Variants in C14orf119 observed in about 807,000 individuals in gnomAD.
C14orf119 encodes chromosome 14 open reading frame 119, also known as uncharacterized protein C14orf119.
Under a neutral mutation model 13.5 loss-of-function variants are expected in C14orf119, and 17 were observed. That is an observed-to-expected ratio of 1.26 (90% CI 0.86 to 1.88). The LOEUF (loss-of-function observed/expected upper bound fraction) is 1.88. Among genes scored for constraint, C14orf119 ranks in the 40% most tolerant of loss-of-function variants. The probability of loss-of-function intolerance (pLI) is 0.00; values close to 1 mark genes in which losing one functional copy is unlikely to be tolerated. For synonymous variants in C14orf119, 61 were observed against 61.9 expected (o/e 0.99, Z 0.07); for missense variants, 162 against 165.9 (o/e 0.98, Z 0.13).
chr14:23,096,244 C>A (rs1273280072), intron 1 of C14orf119, among the ~76,000 whole-genome samples: 1 of 152,022 alleles, frequency 6.6e-6, no homozygotes, highest in Admixed American at 6.5e-5. Flanking sequence ...GTGCCGGGCG[C>A]GGTGGCTTAC....
intron 1 of C14orf119, among the ~76,000 whole-genome samples, chr14:23,096,016 T>A (rs1476488502): frequency 6.6e-6 from 1 of 152,216 alleles, no homozygotes; most frequent in Non-Finnish European, 1.5e-5. Flanking sequence ...GCCCTGAACT[T>A]TTTTGGTACT....
At chr14:23,097,215 A>G (rs1020330845) in intron 1 of C14orf119, among the ~76,000 whole-genome samples, 3 of 152,240 alleles carry the variant, frequency 2.0e-5, no homozygotes, top group Admixed American at 6.5e-5. Context: ...CTGCAAAACA[A>G]TTAGCATCAG....
At position 23,099,498 on chromosome 14, in the gene C14orf119, A is replaced by G. The variant is rs922650339; in HGVS notation, c.*1417A>G. ...CTGAAGTAACCAGCAACCTAGGAAC[A>G]TAGAAGGTAATATTTGGCATGGAAT... is the stretch of plus-strand genomic sequence containing the variant. On this transcript the variant is annotated 3_prime_UTR_variant, in exon 2 of 2. Transcript: ENST00000319074. 3 of 413,032 alleles carry G rather than the reference A, an allele frequency of 7.3e-6. No individual in the cohort carries two copies. The highest frequency in any genetic ancestry group is 1.3e-5 in the Non-Finnish European group (3 of 226,094). 25.6% of individuals were successfully genotyped at this position (413,032 alleles called of 1,614,324 possible).
rs1442163080 is a variant in C14orf119 at position 23,099,140 on chromosome 14, T to C, written c.*1059T>C. On this transcript the variant is annotated 3_prime_UTR_variant, in exon 2 of 2. Coordinates refer to ENST00000319074, the MANE Select transcript of C14orf119 (RefSeq NM_017924.4). ...ACTGTAAAACTTCACCCTTTTTTCA[T>C]TGCCAGGCTATATAATATTGACAAC... The C allele has an allele frequency of 1.9e-5, 8 of 410,888 alleles. No homozygotes were observed. Among genetic ancestry groups the C allele is most frequent in the Non-Finnish European group, 3.1e-5 (7 of 225,182 alleles). The allele number at this position is 410,888 out of a possible 1,614,324, so 25.5% of individuals were successfully genotyped here.
In C14orf119 at chr14:23,100,143, A is replaced by C; in HGVS notation, c.*2062A>C. On this transcript the variant is annotated 3_prime_UTR_variant, in exon 2 of 2. Transcript: ENST00000319074. ...GTGGTGTGCACCTGTAGTCCCAGCTACTTGGGAAGCTGAGGTGGGGGAATC... is the reference window on the plus strand; with the variant it reads ...GTGGTGTGCACCTGTAGTCCCAGCTCCTTGGGAAGCTGAGGTGGGGGAATC... 1 of 174,208 alleles carries C rather than the reference A, an allele frequency of 5.7e-6. No individual in the cohort carries two copies. The allele number at this position is 174,208 out of a possible 1,614,324, so 10.8% of individuals were successfully genotyped here. A position where few individuals can be genotyped will look rare whatever the true frequency, so the allele number is the denominator to read the frequency against.
rs931728774 is a variant in C14orf119, at chr14:23,098,153, A to G, written c.*72A>G. 12 of 1,513,880 alleles carry G rather than the reference A, an allele frequency of 7.9e-6. No homozygotes were observed. The highest frequency in any genetic ancestry group is 9.0e-6 in the Non-Finnish European group (10 of 1,110,476). The allele number at this position is 1,513,880 out of a possible 1,614,324, so 93.8% of individuals were successfully genotyped here. Reference sequence around the variant, plus strand: ...CTCTCTACAATGATAACTCAATTCAAATGTGTCGCCTAAAGCTCTGGAACT... The same window carrying G: ...CTCTCTACAATGATAACTCAATTCAGATGTGTCGCCTAAAGCTCTGGAACT... On this transcript the variant is annotated 3_prime_UTR_variant, in exon 2 of 2. Coordinates refer to ENST00000319074, the MANE Select transcript of C14orf119 (RefSeq NM_017924.4).
At position 23,097,933 on chromosome 14, in the gene C14orf119, T is replaced by C; in HGVS notation, c.275T>C (p.Phe92Ser). 8 of 1,614,074 alleles carry C rather than the reference T, an allele frequency of 5.0e-6. No individual in the cohort carries two copies. The highest frequency in any genetic ancestry group is 6.8e-6 in the Non-Finnish European group (8 of 1,179,932). Residue 92 changes from phenylalanine (F) to serine (S), a missense_variant, in exon 2 of 2, where the codon TTT becomes TCT. Transcript: ENST00000319074. ...GGGGCAGACCGACCACCTTCTATCT[T>C]TGAGTGCCAGCTACATCTTTGGGAT... Reference protein sequence around the residue: ...VSGADRPPSIFECQLHLWDQW... With the variant: ...VSGADRPPSISECQLHLWDQW...
At position 23,097,776 on chromosome 14, in the gene C14orf119, A is replaced by G. The variant is rs2048397199; in HGVS notation, c.118A>G (p.Lys40Glu). The change falls in exon 2 of 2, where the codon AAG (lysine) becomes GAG (glutamate). Residue 40 changes from lysine to glutamate, a missense_variant. By Grantham distance (56) the Lys-to-Glu change is moderately conservative (BLOSUM62 1). Transcript: ENST00000319074. The part of the protein sequence containing the change: ...LMSYITSQEM[K>E]CILHWFANWS... ...GTCTTACATCACCTCCCAGGAGATG[A>G]AGTGTATTCTTCACTGGTTTGCCAA... is the stretch of plus-strand genomic sequence containing the variant. 1.2e-5 allele frequency: 19 copies of G among 1,614,190 alleles called. No homozygotes were observed. Among genetic ancestry groups the G allele is most frequent in the Non-Finnish European group, 1.6e-5 (19 of 1,179,998 alleles).
Position 23,095,557 on chromosome 14 carries a change from C to T in C14orf119, c.-64C>T, listed in dbSNP as rs17126531. On this transcript the variant is annotated 5_prime_UTR_variant, in exon 1 of 2. Coordinates refer to ENST00000319074, the MANE Select transcript of C14orf119 (RefSeq NM_017924.4). ...GGTTTTCAGGAAATTTGGAAGCTGC[C>T]GCAGTAGTTGGAGTCTAAGGACTCG... 7 of 464,788 alleles carry T rather than the reference C, an allele frequency of 1.5e-5. No homozygotes were observed. Among genetic ancestry groups the T allele is most frequent in the Admixed American group, 4.0e-5 (1 of 25,290 alleles). The allele number at this position is 464,788 out of a possible 1,614,324, so 28.8% of individuals were successfully genotyped here.
chr14:23,096,323 T>C (rs2048370921), intron 1 of C14orf119, among the ~76,000 whole-genome samples: 1 of 151,402 alleles, frequency 6.6e-6, no homozygotes, highest in Admixed American at 6.6e-5. Flanking sequence ...TGGAGACCAG[T>C]CTGGCCAATA....
chr14:23,099,394 C>G lies in C14orf119; in HGVS notation c.*1313C>G, dbSNP rs1003332411. On this transcript the variant is annotated 3_prime_UTR_variant, in exon 2 of 2. Coordinates refer to ENST00000319074, the MANE Select transcript of C14orf119 (RefSeq NM_017924.4). Reference sequence around the variant, plus strand: ...GGCTCTTTTCTGGTAGGCTGTGGTTCCCATTACACCCACCAGGATTAGCAG... The same window carrying G: ...GGCTCTTTTCTGGTAGGCTGTGGTTGCCATTACACCCACCAGGATTAGCAG... The G allele has an allele frequency of 4.8e-5, 20 of 413,224 alleles. No homozygotes were observed. The highest frequency in any genetic ancestry group is 8.0e-5 in the Non-Finnish European group (18 of 226,164). 25.6% of individuals were successfully genotyped at this position (413,224 alleles called of 1,614,324 possible).
chr14:23,100,400 AC>A lies in C14orf119; in HGVS notation c.*2322del, dbSNP rs1391600655. On this transcript the variant is annotated 3_prime_UTR_variant, in exon 2 of 2. Transcript: ENST00000319074. ...AGGGATCTTTGTTCTCTGAAACGCA[AC>A]CCTGTCTAGGACAATATACACGTGA... 5 of 412,428 alleles carry A rather than the reference AC, an allele frequency of 1.2e-5. No individual in the cohort carries two copies. In the South Asian group the frequency reaches 5.7e-4, roughly 47 times the overall value. The allele number at this position is 412,428 out of a possible 1,614,324, so 25.5% of individuals were successfully genotyped here. A position where few individuals can be genotyped will look rare whatever the true frequency, so the allele number is the denominator to read the frequency against.
In C14orf119 at chr14:23,099,580, G is replaced by A. The variant is rs994453773; in HGVS notation, c.*1499G>A. The A allele has an allele frequency of 8.1e-6, 3 of 368,890 alleles. No homozygotes were observed. Among genetic ancestry groups the A allele is most frequent in the Non-Finnish European group, 1.4e-5 (3 of 210,948 alleles). 22.9% of individuals were successfully genotyped at this position (368,890 alleles called of 1,614,324 possible). On this transcript the variant is annotated 3_prime_UTR_variant, in exon 2 of 2. Transcript: ENST00000319074. The stretch of plus-strand genomic sequence containing the variant: ...ACCTTTTTTTTTTTTTTTTTTTGGA[G>A]ACAAGGTCTTGGTCTGTTGCCCAGG...
At chr14:23,096,922 T>A (rs1489187820) in intron 1 of C14orf119, among the ~76,000 whole-genome samples, 1 of 152,190 alleles carries the variant, frequency 6.6e-6, no homozygotes, top group Non-Finnish European at 1.5e-5. Flanking sequence ...AAGACATGGA[T>A]TGTCATAAAA....
chr14:23,099,536 T>C lies in C14orf119; in HGVS notation c.*1455T>C. On this transcript the variant is annotated 3_prime_UTR_variant, in exon 2 of 2. Coordinates refer to ENST00000319074, the MANE Select transcript of C14orf119 (RefSeq NM_017924.4). ...TTTGGCATGGAATAATGCCTAGCCT[T>C]AGTAGATAAAGCGGCATTACCTTTT... 2.4e-6 allele frequency: 1 copy of C among 411,412 alleles called. No homozygotes were observed. The highest frequency in any genetic ancestry group is 4.4e-6 in the Non-Finnish European group (1 of 225,974). 25.5% of individuals were successfully genotyped at this position (411,412 alleles called of 1,614,324 possible).
chr14:23,098,476 G>GT lies in C14orf119; in HGVS notation c.*400dup. ...ATAAGACAGGACAATAAAAGGTGGC[G>GT]TTTTTGTACTTTACCTGGATTCCAT... On this transcript the variant is annotated 3_prime_UTR_variant, in exon 2 of 2. Coordinates refer to ENST00000319074, the MANE Select transcript of C14orf119 (RefSeq NM_017924.4). 1 of 194,520 alleles carries GT rather than the reference G, an allele frequency of 5.1e-6. No individual in the cohort carries two copies. The highest frequency in any genetic ancestry group is 1.3e-4 in the East Asian group (1 of 7,808). 12.0% of individuals were successfully genotyped at this position (194,520 alleles called of 1,614,324 possible).
intron 1 of C14orf119, 142 bp from the exon 2 acceptor site, chr14:23,097,516 C>G: frequency 2.9e-6 from 2 of 701,202 alleles, no homozygotes; most frequent in East Asian, 5.0e-5. Flanking sequence ...ATAAAGGACT[C>G]TTATTATTTT....
At position 23,098,129 on chromosome 14, in the gene C14orf119, T is replaced by G; in HGVS notation, c.*48T>G. 6.4e-7 allele frequency: 1 copy of G among 1,564,286 alleles called. No homozygotes were observed. Among genetic ancestry groups the G allele is most frequent in the Non-Finnish European group, 8.7e-7 (1 of 1,147,860 alleles). On this transcript the variant is annotated 3_prime_UTR_variant, in exon 2 of 2. Transcript: ENST00000319074. ...TAACCATAGCTGATGGAGCCATGACTCTCTACAATGATAACTCAATTCAAA... is the reference window on the plus strand; with the variant it reads ...TAACCATAGCTGATGGAGCCATGACGCTCTACAATGATAACTCAATTCAAA...
chr14:23,100,274 G>T lies in C14orf119; in HGVS notation c.*2193G>T. On this transcript the variant is annotated 3_prime_UTR_variant, in exon 2 of 2. Coordinates refer to ENST00000319074, the MANE Select transcript of C14orf119 (RefSeq NM_017924.4). ...TGTCTCAAAAAAGAAGAAGAAAAAG[G>T]TGGGGGGAGGGGACTAAGATCCCTA... The T allele has an allele frequency of 2.6e-6, 1 of 377,650 alleles. No individual in the cohort carries two copies. Among genetic ancestry groups the T allele is most frequent in the Non-Finnish European group, 4.9e-6 (1 of 203,972 alleles). 23.4% of individuals were successfully genotyped at this position (377,650 alleles called of 1,614,324 possible).
Sources: allele counts gnomAD v4.1 joint callset (sites outside exome capture counted in the v4.1 genomes callset), GRCh38; gene constraint gnomAD v4.1.1; transcripts MANE v1.5; gene names NCBI Gene and HGNC (gene_info 2026-07-23, HGNC 2026-07-21).